The following PTPRN2 variants were observed in gnomAD, a reference collection of about 807,000 sequenced individuals.
PTPRN2 encodes protein tyrosine phosphatase receptor type N2.
PTPRN2 carries 74 observed loss-of-function variants against 118.8 expected under a neutral mutation model. The observed-to-expected ratio is 0.62, with a 90% CI of 0.52 to 0.76. The LOEUF is 0.76. Ranked by LOEUF, PTPRN2 falls within the 30% of genes least tolerant of loss-of-function variation. The pLI is 0.00. For synonymous variants in PTPRN2, 641 were observed against 608.0 expected (o/e 1.05, Z -0.80); for missense variants, 1,481 against 1,394.4 (o/e 1.06, Z -0.99).
At chr7:157,568,775 G>T (rs369840712) in intron 21 of PTPRN2, 127 bp downstream of exon 21, 4 of 905,974 alleles carry the variant, frequency 4.4e-6, no homozygotes, top group Non-Finnish European at 5.3e-6. Context: ...ACCTTCCTAC[G>T]GCCCAGCAGA....
intron 11 of PTPRN2, among the ~76,000 whole-genome samples, chr7:158,002,732 T>G (rs545451002): frequency 6.6e-6 from 1 of 152,192 alleles, no homozygotes; most frequent in East Asian, 1.9e-4. Context: ...TTCGGGCAGG[T>G]CAGCTGCAGC....
chr7:157,688,596 C>G (rs1376426463), intron 12 of PTPRN2, among the ~76,000 whole-genome samples: 1 of 152,238 alleles, frequency 6.6e-6, no homozygotes, highest in East Asian at 1.9e-4. Context: ...GACGCACGCG[C>G]GCCTTCCACA....
Position 157,632,132 on chromosome 7 carries a change from C to T in PTPRN2, c.2197-10623G>A, listed in dbSNP as rs913634882. ...TAATTTGGCTTTTGATGTTCCAAAT[C>T]GATAACAAAGTCCAGAGTTGTAAGA... On this transcript the variant is annotated intron_variant, in intron 14 of 22. Coordinates refer to ENST00000389418, the MANE Select transcript of PTPRN2 (RefSeq NM_002847.5). The surrounding 1 kb of genome is among the most constrained non-coding windows in gnomAD (Gnocchi z 4.3). 2.0e-5 allele frequency among the ~76,000 whole-genome samples: 3 copies of T among 152,152 alleles called. No individual in the cohort carries two copies. Among genetic ancestry groups the T allele is most frequent in the Admixed American group, 2.0e-4 (3 of 15,276 alleles).
At chr7:158,576,068 A>G (rs11977298) in intron 1 of PTPRN2, among the ~76,000 whole-genome samples, 1,952 of 152,260 alleles carry the variant, frequency 0.013, 44 homozygotes, top group African/African-American at 0.045. Flanking sequence ...CCCATTCCAT[A>G]TGCTGTCAAT....
rs982552493 is a variant in PTPRN2, at chr7:157,629,627, G to A, written c.2197-8118C>T. On this transcript the variant is annotated intron_variant, in intron 14 of 22. Transcript: ENST00000389418. The surrounding 1 kb of genome is among the most constrained non-coding windows in gnomAD (Gnocchi z 4.4). Reference sequence around the variant, plus strand: ...CTCCGTGGGTCTTCGGATATGGGACGAGTGGAAACTGTCCTGGTGAAACTT... The same window carrying A: ...CTCCGTGGGTCTTCGGATATGGGACAAGTGGAAACTGTCCTGGTGAAACTT... 2.0e-5 allele frequency among the ~76,000 whole-genome samples: 3 copies of A among 152,286 alleles called. No individual in the cohort carries two copies. The highest frequency in any genetic ancestry group is 4.8e-5 in the African/African-American group (2 of 41,556).
rs534302994 is a variant in PTPRN2 at position 157,701,919 on chromosome 7, C to T, written c.1789-18982G>A. Among the ~76,000 whole-genome samples, 1,048 of 132,094 alleles carry T rather than the reference C, an allele frequency of 7.9e-3. 1 individual carries two copies. The highest frequency in any genetic ancestry group is 0.015 in the African/African-American group (537 of 34,988). 86.7% of individuals were successfully genotyped at this position (132,094 alleles called of 152,430 possible). On this transcript the variant is annotated intron_variant, in intron 12 of 22. Coordinates refer to ENST00000389418, the MANE Select transcript of PTPRN2 (RefSeq NM_002847.5). Reference sequence around the variant, plus strand: ...CGGGTAGGTGCTGGTGTAACTGACGCGGGCTGTGCATTTATAAGAAAGCCC... The same window carrying T: ...CGGGTAGGTGCTGGTGTAACTGACGTGGGCTGTGCATTTATAAGAAAGCCC...
intron 10 of PTPRN2, among the ~76,000 whole-genome samples, chr7:158,101,946 C>A (rs111789792): frequency 3.3e-5 from 5 of 152,210 alleles, no homozygotes; most frequent in Non-Finnish European, 7.3e-5. Flanking sequence ...CCCGTCACTA[C>A]GCCACGGTGG....
rs145686919 is a variant in PTPRN2 at position 158,024,725 on chromosome 7, G to GGC, written c.1723+56571_1723+56572dup. On this transcript the variant is annotated intron_variant, in intron 11 of 22. Coordinates refer to ENST00000389418, the MANE Select transcript of PTPRN2 (RefSeq NM_002847.5). ...AAAACTGCTTTAGGAGCAGGAAGGG[G>GGC]GCCAAGGCCAGCTTGGCAGGAGCTG... Among the ~76,000 whole-genome samples, 823 of 152,286 alleles carry GGC rather than the reference G, an allele frequency of 5.4e-3. 6 individuals are homozygous for GGC. Among genetic ancestry groups the GGC allele is most frequent in the African/African-American group, 0.019 (779 of 41,560 alleles).
chr7:158,327,260 C>T (rs1803682725), intron 2 of PTPRN2, among the ~76,000 whole-genome samples: 1 of 152,062 alleles, frequency 6.6e-6, no homozygotes, highest in African/African-American at 2.4e-5. Flanking sequence ...CACATTCTCA[C>T]ATGCACACAC....
intron 3 of PTPRN2, among the ~76,000 whole-genome samples, chr7:158,301,231 G>A (rs545529658): frequency 3.9e-5 from 6 of 152,224 alleles, no homozygotes; most frequent in East Asian, 1.9e-4. Flanking sequence ...TGCACGGGCC[G>A]TGCAAATTAA....
rs149303038 is a variant in PTPRN2 at position 157,749,797 on chromosome 7, C to G, written c.1789-66860G>C. On this transcript the variant is annotated intron_variant, in intron 12 of 22. Coordinates refer to ENST00000389418, the MANE Select transcript of PTPRN2 (RefSeq NM_002847.5). ...GGGTGATTCTGAGGCCTGCGTCCCT[C>G]AGCTGTGGGGTGCCTGGGTGATTTT... Among the ~76,000 whole-genome samples, 149 of 68,374 alleles carry G rather than the reference C, an allele frequency of 2.2e-3. 2 individuals are homozygous for G. Among genetic ancestry groups the G allele is most frequent in the African/African-American group, 6.1e-3 (96 of 15,808 alleles). 44.9% of individuals were successfully genotyped at this position (68,374 alleles called of 152,430 possible).
intron 12 of PTPRN2, among the ~76,000 whole-genome samples, chr7:157,774,755 T>A (rs2151034098): frequency 6.6e-6 from 1 of 151,866 alleles, no homozygotes; most frequent in East Asian, 1.9e-4. Flanking sequence ...GGTCTTCGAG[T>A]CAACAATGGG....
chr7:157,754,743 G>A lies in PTPRN2; in HGVS notation c.1789-71806C>T, dbSNP rs373739654. Among the ~76,000 whole-genome samples, 29 of 152,356 alleles carry A rather than the reference G, an allele frequency of 1.9e-4. No individual in the cohort carries two copies. In the East Asian group the frequency reaches 2.3e-3, roughly 12 times the overall value. Reference sequence around the variant, plus strand: ...GTTTTCTTTGTAGTTAGTTTTCTTTGTAGTTATTGGGATGCCACGTCAAGT... The same window carrying A: ...GTTTTCTTTGTAGTTAGTTTTCTTTATAGTTATTGGGATGCCACGTCAAGT... On this transcript the variant is annotated intron_variant, in intron 12 of 22. Coordinates refer to ENST00000389418, the MANE Select transcript of PTPRN2 (RefSeq NM_002847.5).
chr7:158,495,864 A>G (rs1000507471), intron 1 of PTPRN2, among the ~76,000 whole-genome samples: 1 of 152,096 alleles, frequency 6.6e-6, no homozygotes, highest in Non-Finnish European at 1.5e-5. Flanking sequence ...CTGTGGCCCA[A>G]GGCTCAAATG....
At chr7:158,329,956 G>C (rs918471162) in intron 2 of PTPRN2, among the ~76,000 whole-genome samples, 1 of 151,838 alleles carries the variant, frequency 6.6e-6, no homozygotes, top group South Asian at 2.1e-4. Flanking sequence ...AAATCCTCAG[G>C]TCTTGTATGG....
intron 3 of PTPRN2, among the ~76,000 whole-genome samples, chr7:158,285,369 G>A (rs1799700335): frequency 6.6e-6 from 1 of 152,190 alleles, no homozygotes; most frequent in Non-Finnish European, 1.5e-5. Flanking sequence ...AAGGCTGCAG[G>A]AGAGACCAGC....
Position 157,568,926 on chromosome 7 carries a change from T to C in PTPRN2, c.2878A>G (p.Met960Val). The C allele has an allele frequency of 6.3e-7, 1 of 1,576,268 alleles. No homozygotes were observed. Among genetic ancestry groups the C allele is most frequent in the Non-Finnish European group, 8.7e-7 (1 of 1,145,688 alleles). ...CCTTTGGCCATCTTGTTGAGAACCA[T>C]GTCGATCAGGACGTAGGTGCCGCTC... Reference protein sequence around the residue: ...GRSGTYVLIDMVLNKMAKGAK... With the variant: ...GRSGTYVLIDVVLNKMAKGAK... The change falls in exon 21 of 23, where the codon ATG (methionine) becomes GTG (valine). Residue 960 changes from methionine (M) to valine (V), a missense_variant. This residue lies in a region of PTPRN2 where 362 missense variants were observed against 384.1 expected (regional missense o/e 0.94). Coordinates refer to ENST00000389418, the MANE Select transcript of PTPRN2 (RefSeq NM_002847.5).
intron 1 of PTPRN2, 112 bp downstream of exon 1, chr7:158,587,446 G>T (rs570321834): frequency 1.5e-5 from 1 of 66,902 alleles, no homozygotes; most frequent in Non-Finnish European, 1.8e-5. Context: ...CTCTCCCCCC[G>T]ACCCCTCAGG....
intron 2 of PTPRN2, among the ~76,000 whole-genome samples, chr7:158,405,184 G>A (rs940433443): frequency 6.6e-6 from 1 of 152,108 alleles, no homozygotes; most frequent in African/African-American, 2.4e-5. Context: ...CACCCCCTAG[G>A]ATGCCTGGAG....
Sources: gnomAD v4.1 joint callset for allele counts (sites outside exome capture counted in the v4.1 genomes callset) on GRCh38, gnomAD v4.1.1 for gene constraint, gnomAD v4.1.1 regional missense constraint, Gnocchi (gnomAD v3.1) non-coding constraint, MANE v1.5 for transcripts, NCBI Gene and HGNC (gene_info 2026-07-23, HGNC 2026-07-21) for gene names.